The following NRG3 variants were observed in gnomAD, a reference collection of about 807,000 sequenced individuals.
NRG3 encodes neuregulin 3, also known as pro-neuregulin-3, membrane-bound isoform.
Under a neutral mutation model 66.9 loss-of-function variants are expected in NRG3, and 31 were observed. The observed-to-expected ratio is 0.46, with a 90% CI of 0.35 to 0.63. NRG3 has a LOEUF of 0.63. Among genes scored for constraint, NRG3 ranks in the 20% least tolerant of loss-of-function variants. The pLI is 0.00. For missense variants in NRG3, 910 were observed against 878.9 expected (o/e 1.04, Z -0.45); for synonymous variants, 393 against 359.4 (o/e 1.09, Z -1.06).
intron 1 of NRG3, among the ~76,000 whole-genome samples, chr10:81,991,448 A>G (rs1368026251): frequency 6.6e-6 from 1 of 152,156 alleles, no homozygotes; most frequent in African/African-American, 2.4e-5. Flanking sequence ...AGGGTACAAA[A>G]CCACAATGAT....
chr10:82,472,636 G>A (rs956394513), intron 2 of NRG3, among the ~76,000 whole-genome samples: 2 of 152,188 alleles, frequency 1.3e-5, no homozygotes, highest in African/African-American at 4.8e-5. Context: ...CCTCAGGGGA[G>A]ACATTTAAAG....
intron 2 of NRG3, among the ~76,000 whole-genome samples, chr10:82,398,526 T>TGTGA (rs373924370): frequency 1.3e-3 from 171 of 136,578 alleles, no homozygotes; most frequent in African/African-American, 4.6e-3. Flanking sequence ...TGTGTGTGTG[T>TGTGA]GAGAGAGAGA....
At chr10:82,303,036 C>A (rs1231670161) in intron 1 of NRG3, among the ~76,000 whole-genome samples, 1 of 152,152 alleles carries the variant, frequency 6.6e-6, no homozygotes, top group South Asian at 2.1e-4. Context: ...CATTGTATTT[C>A]ACTTTTCTAG....
At chr10:82,288,968 C>T (rs992717972) in intron 1 of NRG3, among the ~76,000 whole-genome samples, 1 of 152,134 alleles carries the variant, frequency 6.6e-6, no homozygotes, top group African/African-American at 2.4e-5. Flanking sequence ...CACCTCTTCC[C>T]ACCTTGGACA....
intron 1 of NRG3, among the ~76,000 whole-genome samples, chr10:82,116,841 C>T (rs1463088996): frequency 1.3e-5 from 2 of 152,232 alleles, no homozygotes; most frequent in East Asian, 3.9e-4. Context: ...GAGCTACTTC[C>T]AGCCAAATGC....
At chr10:82,425,991 A>C (rs1382021396) in intron 2 of NRG3, among the ~76,000 whole-genome samples, 1 of 152,138 alleles carries the variant, frequency 6.6e-6, no homozygotes, top group African/African-American at 2.4e-5. Flanking sequence ...AGATGTGACC[A>C]TCACAAATAA....
At chr10:82,600,962 A>T (rs1008890392) in intron 2 of NRG3, among the ~76,000 whole-genome samples, 2 of 151,966 alleles carry the variant, frequency 1.3e-5, no homozygotes, top group African/African-American at 4.8e-5. Flanking sequence ...CCCCTTTTGG[A>T]GTCTCCAGTG....
intron 2 of NRG3, among the ~76,000 whole-genome samples, chr10:82,464,173 A>G (rs949637477): frequency 1.3e-5 from 2 of 152,166 alleles, no homozygotes. Flanking sequence ...CTTTTAAATA[A>G]TCAGACTGTA....
intron 3 of NRG3, 120 bp from the exon 4 acceptor site, chr10:82,865,291 T>A: frequency 1.1e-6 from 1 of 914,216 alleles, no homozygotes. Flanking sequence ...GGGGTTAAAA[T>A]TGAGGCTGTG....
intron 1 of NRG3, among the ~76,000 whole-genome samples, chr10:82,035,859 CAT>C (rs1270008067): frequency 3.3e-5 from 5 of 152,108 alleles, no homozygotes; most frequent in South Asian, 4.1e-4. Context: ...TTAATTACCA[CAT>C]GTCATGACTA....
intron 1 of NRG3, among the ~76,000 whole-genome samples, chr10:81,963,343 C>A (rs751272919): frequency 9.3e-5 from 14 of 150,924 alleles, no homozygotes; most frequent in Admixed American, 4.6e-4. Context: ...CCGTTTTAGC[C>A]GGGATGGTCT....
intron 2 of NRG3, among the ~76,000 whole-genome samples, chr10:82,569,867 ATGTCTCAAGC>A (rs2045627117): frequency 6.6e-6 from 1 of 151,680 alleles, no homozygotes. Context: ...ATATACTAAC[ATGTCTCAAGC>A]ATATCATTGC....
intron 3 of NRG3, among the ~76,000 whole-genome samples, chr10:82,839,917 G>T (rs1003384149): frequency 6.6e-6 from 1 of 152,008 alleles, no homozygotes; most frequent in Non-Finnish European, 1.5e-5. Context: ...AGAATGTACA[G>T]ATATCTCCAA....
intron 2 of NRG3, among the ~76,000 whole-genome samples, chr10:82,480,306 T>C (rs1842161046): frequency 6.6e-6 from 1 of 152,208 alleles, no homozygotes; most frequent in African/African-American, 2.4e-5. Flanking sequence ...TCTGTAAATG[T>C]ACTAATAATC....
chr10:82,701,315 T>C (rs2055859987), intron 2 of NRG3, among the ~76,000 whole-genome samples: 1 of 152,184 alleles, frequency 6.6e-6, no homozygotes, highest in African/African-American at 2.4e-5. Flanking sequence ...GGTTAATGAC[T>C]ATAAAATAAC....
In NRG3 at chr10:82,826,649, A is replaced by T. The variant is rs137907695; in HGVS notation, c.1028-38762A>T. ...TGGTGGCCCTTATCTTAAGCAAAAT[A>T]ATGCAGGAAGAGAAAGACAAATACT... On this transcript the variant is annotated intron_variant, in intron 3 of 8. Coordinates refer to ENST00000372141, the MANE Select transcript of NRG3 (RefSeq NM_001010848.4). 2.6e-5 allele frequency among the ~76,000 whole-genome samples: 4 copies of T among 152,300 alleles called. No homozygotes were observed. The East Asian group carries it at 5.8e-4, about 22-fold the overall frequency.
chr10:82,267,415 A>G (rs752541525), intron 1 of NRG3, among the ~76,000 whole-genome samples: 2 of 152,188 alleles, frequency 1.3e-5, no homozygotes, highest in Non-Finnish European at 2.9e-5. Flanking sequence ...TGTGTGATCC[A>G]GTGGCAGGTC....
intron 1 of NRG3, among the ~76,000 whole-genome samples, chr10:82,322,366 G>A (rs2081622478): frequency 6.6e-6 from 1 of 152,108 alleles, no homozygotes; most frequent in African/African-American, 2.4e-5. Flanking sequence ...GGATGGTGAA[G>A]AATATGTAAG....
chr10:82,519,786 G>A (rs1846023321), intron 2 of NRG3, among the ~76,000 whole-genome samples: 1 of 152,166 alleles, frequency 6.6e-6, no homozygotes, highest in Non-Finnish European at 1.5e-5. Flanking sequence ...AGAAAGATGA[G>A]TTGAAGCTGG....
Sources: gnomAD v4.1 joint callset for allele counts (sites outside exome capture counted in the v4.1 genomes callset) on GRCh38, gnomAD v4.1.1 for gene constraint, MANE v1.5 for transcripts, NCBI Gene and HGNC (gene_info 2026-07-23, HGNC 2026-07-21) for gene names.